RREB1: variants seen among roughly 807,000 people sequenced by gnomAD.
The protein encoded by RREB1 is ras-responsive element-binding protein 1.
RREB1 carries 27 observed loss-of-function variants against 117.8 expected under a neutral mutation model. The observed-to-expected ratio is 0.23, with a 90% CI of 0.17 to 0.32. The LOEUF (loss-of-function observed/expected upper bound fraction) is 0.32, where lower values mean the gene tolerates loss of function less well. Among genes scored for constraint, RREB1 ranks in the 10% least tolerant of loss-of-function variants. The pLI is 1.00. For missense variants in RREB1, 2,577 were observed against 2,378.2 expected (o/e 1.08, Z -1.74); for synonymous variants, 1,298 against 1,026.7 (o/e 1.26, Z -5.05).
chr6:7,242,688 C>G (rs1489197209), intron 11 of RREB1, among the ~76,000 whole-genome samples: 1 of 117,320 alleles, frequency 8.5e-6, no homozygotes, highest in Non-Finnish European at 1.7e-5. Context: ...GAAGGAAGAC[C>G]ACTTAAAAAA....
Position 7,226,572 on chromosome 6 carries a change from A to G in RREB1, c.813A>G (p.Ile271Met). 1 of 1,614,192 alleles carries G rather than the reference A, an allele frequency of 6.2e-7. No homozygotes were observed. The highest frequency in any genetic ancestry group is 8.5e-7 in the Non-Finnish European group (1 of 1,180,012). Residue 271 changes from isoleucine to methionine, a missense_variant, in exon 9 of 13, where the codon ATA becomes ATG. Physicochemically the swap from Ile to Met is conservative, Grantham distance 10. Transcript: ENST00000379938. Reference sequence around the variant, plus strand: ...GGGATGCAATGGGCAGACCTTTCATACAGAACAACCCTTCAATTCCTGCTG... The same window carrying G: ...GGGATGCAATGGGCAGACCTTTCATGCAGAACAACCCTTCAATTCCTGCTG... Reference protein sequence around the residue: ...LPRDAMGRPFIQNNPSIPAGF... With the variant: ...LPRDAMGRPFMQNNPSIPAGF...
intron 1 of RREB1, among the ~76,000 whole-genome samples, chr6:7,108,384 A>G (rs1482232661): frequency 6.6e-6 from 1 of 151,140 alleles, no homozygotes; most frequent in Non-Finnish European, 1.5e-5. Context: ...CGGCTCTGCC[A>G]ACCAGCTCCC....
At chr6:7,215,330 C>T (rs1323340549) in intron 8 of RREB1, 1 of 152,218 alleles carries the variant, frequency 6.6e-6, no homozygotes, top group Non-Finnish European at 1.5e-5. Flanking sequence ...TTTCTAGTAG[C>T]CGTTTTTTAT....
At position 7,246,644 on chromosome 6, in the gene RREB1, G is replaced by T; in HGVS notation, c.4194G>T (p.Glu1398Asp). The change falls in exon 12 of 13, where the codon GAG becomes GAT. Residue 1398 changes from glutamate (E) to aspartate (D), a missense_variant. Transcript: ENST00000379938. ...HEPEEEHGTEESTGDADGAEE... is the reference protein window; with the variant it reads ...HEPEEEHGTEDSTGDADGAEE... ...CGGAGGAGGAGCATGGCACTGAGGA[G>T]AGCACTGGGGACGCCGACGGCGCGG... The T allele has an allele frequency of 6.4e-7, 1 of 1,574,366 alleles. No homozygotes were observed. Among genetic ancestry groups the T allele is most frequent in the East Asian group, 2.4e-5 (1 of 42,522 alleles).
At chr6:7,119,391 A>G (rs891140247) in intron 1 of RREB1, among the ~76,000 whole-genome samples, 1 of 152,156 alleles carries the variant, frequency 6.6e-6, no homozygotes, top group African/African-American at 2.4e-5. Flanking sequence ...CTAAGAAGTC[A>G]TTTTTATATA....
At chr6:7,171,570 C>T (rs1024165315) in intron 1 of RREB1, among the ~76,000 whole-genome samples, 1 of 152,218 alleles carries the variant, frequency 6.6e-6, no homozygotes, top group Non-Finnish European at 1.5e-5. Context: ...GTGACTCAGT[C>T]CCTCTCAACC....
At chr6:7,234,890 A>C (rs1768227283) in intron 10 of RREB1, among the ~76,000 whole-genome samples, 1 of 152,232 alleles carries the variant, frequency 6.6e-6, no homozygotes, top group African/African-American at 2.4e-5. Flanking sequence ...GTGTGTGCCC[A>C]GTGTGTCCTC....
Position 7,246,881 on chromosome 6 carries a change from C to T in RREB1, c.4431C>T (p.Asp1477=), listed in dbSNP as rs776884599. The T allele has an allele frequency of 1.1e-5, 17 of 1,552,636 alleles. No homozygotes were observed. In the East Asian group the frequency reaches 1.9e-4, roughly 18 times the overall value. The change falls in exon 12 of 13, where the codon GAC becomes GAT. Residue 1477 remains aspartate (D), a synonymous_variant. Coordinates refer to ENST00000379938, the MANE Select transcript of RREB1 (RefSeq NM_001003699.4). The part of the protein sequence containing the change: ...RKAHGRQEPK[D]EKGDGASTAE... ...CGCACGGCCGCCAGGAGCCCAAGGA[C>T]GAGAAGGGAGATGGCGCCAGCACTG...
chr6:7,110,118 C>T (rs1296420408), intron 1 of RREB1, among the ~76,000 whole-genome samples: 6 of 151,970 alleles, frequency 3.9e-5, no homozygotes, highest in African/African-American at 1.5e-4. Flanking sequence ...TTTTTTTCCC[C>T]TTTATATATG....
intron 2 of RREB1, among the ~76,000 whole-genome samples, chr6:7,177,216 C>T (rs1452063833): frequency 5.1e-5 from 3 of 58,870 alleles, no homozygotes; most frequent in African/African-American, 2.6e-4. Context: ...GAGACTGTCT[C>T]ACAAAAAAAA....
intron 6 of RREB1, among the ~76,000 whole-genome samples, chr6:7,205,216 G>A (rs1480249546): frequency 2.0e-5 from 3 of 152,150 alleles, no homozygotes; most frequent in African/African-American, 7.2e-5. Flanking sequence ...GCTGGGCCCC[G>A]ACCCAGCGCT....
intron 6 of RREB1, among the ~76,000 whole-genome samples, chr6:7,192,444 C>T (rs1413527066): frequency 6.6e-6 from 1 of 152,084 alleles, no homozygotes; most frequent in East Asian, 1.9e-4. Context: ...CCTTCTGCCT[C>T]AGCCTCCCAA....
At chr6:7,115,351 TC>T (rs1396393174) in intron 1 of RREB1, among the ~76,000 whole-genome samples, 2 of 137,264 alleles carry the variant, frequency 1.5e-5, no homozygotes, top group African/African-American at 2.7e-5. Context: ...CCCTTGGCCT[TC>T]CCCCCCACCC....
intron 1 of RREB1, among the ~76,000 whole-genome samples, chr6:7,156,702 C>A (rs892642132): frequency 2.6e-5 from 4 of 152,188 alleles, no homozygotes; most frequent in Non-Finnish European, 4.4e-5. Context: ...ATTGGGCATC[C>A]GTTGGAAGAA....
chr6:7,182,236 T>C lies in RREB1; in HGVS notation c.171+154T>C, dbSNP rs191722740. ...GATCATTTTTCAAGGGCAAAATTTT[T>C]ATGGCTTATGTTAGTTTCCTTTCAT... On this transcript the variant is annotated intron_variant, in intron 4 of 12. Transcript: ENST00000379938. 68 of 634,684 alleles carry C rather than the reference T, an allele frequency of 1.1e-4. No homozygotes were observed. The African/African-American group carries it at 1.2e-3, about 12-fold the overall frequency. 39.3% of individuals were successfully genotyped at this position (634,684 alleles called of 1,614,324 possible).
At chr6:7,167,157 C>T (rs1763974518) in intron 1 of RREB1, among the ~76,000 whole-genome samples, 1 of 152,100 alleles carries the variant, frequency 6.6e-6, no homozygotes, top group Non-Finnish European at 1.5e-5. Context: ...GTGTGTACTT[C>T]CGTAATTAAC....
chr6:7,141,059 T>G (rs983354673), intron 1 of RREB1, among the ~76,000 whole-genome samples: 2 of 152,230 alleles, frequency 1.3e-5, no homozygotes, highest in Admixed American at 6.5e-5. Context: ...CTCGAGGGTC[T>G]GTCTGTGCCC....
In RREB1 at chr6:7,122,620, A is replaced by G. The variant is rs138859816; in HGVS notation, c.-285+14560A>G. The stretch of plus-strand genomic sequence containing the variant: ...TAGATGGGAACAAAACTCAACAAAG[A>G]CCTTCTACTCCTCACTTTTTCTGAT... On this transcript the variant is annotated intron_variant, in intron 1 of 12. Coordinates refer to ENST00000379938, the MANE Select transcript of RREB1 (RefSeq NM_001003699.4). Among the ~76,000 whole-genome samples, 24 of 152,298 alleles carry G rather than the reference A, an allele frequency of 1.6e-4. No homozygotes were observed. In the East Asian group the frequency reaches 4.4e-3, roughly 28 times the overall value.
At chr6:7,135,986 T>C (rs1464750619) in intron 1 of RREB1, among the ~76,000 whole-genome samples, 3 of 152,208 alleles carry the variant, frequency 2.0e-5, no homozygotes, top group Non-Finnish European at 4.4e-5. Flanking sequence ...GCAAGTCAGC[T>C]GACCTCAATT....
Sources: allele counts gnomAD v4.1 joint callset (sites outside exome capture counted in the v4.1 genomes callset), GRCh38; gene constraint gnomAD v4.1.1; transcripts MANE v1.5; gene names NCBI Gene and HGNC (gene_info 2026-07-23, HGNC 2026-07-21).